The following SNX18 variants were observed in gnomAD, a reference collection of about 807,000 sequenced individuals.
SNX18 encodes the protein sorting nexin 18, also known as sorting nexin-18.
SNX18 carries 35 observed loss-of-function variants against 48.7 expected under a neutral mutation model. The observed-to-expected ratio is 0.72, with a 90% CI of 0.55 to 0.95. SNX18 has a LOEUF of 0.95. SNX18 is among the 40% of genes least tolerant of loss of function. The pLI is 0.00. For synonymous variants in SNX18, 492 were observed against 384.7 expected, an observed-to-expected ratio of 1.28 and a Z score of -3.26; for missense variants, 824 against 871.0, an observed-to-expected ratio of 0.95 and a Z score of 0.68.
At chr5:54,593,894 T>C in the SNX18 span, among the ~76,000 whole-genome samples, 3 of 152,198 alleles carry the variant, frequency 2.0e-5, no homozygotes, top group Non-Finnish European at 4.4e-5. Flanking sequence ...AAATGGATCA[T>C]AGACCTAATG....
chr5:54,585,622 C>T, the SNX18 span, among the ~76,000 whole-genome samples: 1 of 151,968 alleles, frequency 6.6e-6, no homozygotes, highest in African/African-American at 2.4e-5. Context: ...AGAGTGAGAG[C>T]AAATTGTACA....
chr5:54,619,476 C>T, the SNX18 span, among the ~76,000 whole-genome samples: 2 of 152,196 alleles, frequency 1.3e-5, no homozygotes, highest in Non-Finnish European at 2.9e-5. Context: ...CACATCACTG[C>T]ACTCCAGCCT....
At chr5:54,576,098 G>C in the SNX18 span, among the ~76,000 whole-genome samples, 1 of 152,114 alleles carries the variant, frequency 6.6e-6, no homozygotes, top group African/African-American at 2.4e-5. Context: ...TCCCACAGGG[G>C]TAGAGGAGAG....
At chr5:54,647,802 C>A in the SNX18 span, among the ~76,000 whole-genome samples, 1 of 152,000 alleles carries the variant, frequency 6.6e-6, no homozygotes, top group East Asian at 1.9e-4. Flanking sequence ...GAAACTTCAA[C>A]GGGCAACAGG....
the SNX18 span, among the ~76,000 whole-genome samples, chr5:54,625,389 T>C: frequency 6.6e-6 from 1 of 152,208 alleles, no homozygotes; most frequent in Non-Finnish European, 1.5e-5. Context: ...CAGATCTGCT[T>C]CTAAGCTCGC....
At chr5:54,582,874 G>T in the SNX18 span, among the ~76,000 whole-genome samples, 1 of 152,162 alleles carries the variant, frequency 6.6e-6, no homozygotes, top group African/African-American at 2.4e-5. Flanking sequence ...CATGATAGCT[G>T]GTTCTGGGGA....
the SNX18 span, among the ~76,000 whole-genome samples, chr5:54,643,199 ACTT>A: frequency 6.6e-6 from 1 of 151,936 alleles, no homozygotes; most frequent in East Asian, 1.9e-4. Context: ...AGGTAGGAGG[ACTT>A]CTTTTTTTAA....
At chr5:54,570,909 T>C in the SNX18 span, among the ~76,000 whole-genome samples, 1 of 152,144 alleles carries the variant, frequency 6.6e-6, no homozygotes, top group Non-Finnish European at 1.5e-5. Flanking sequence ...TACAAAAAGG[T>C]TAAAATCCAT....
chr5:54,620,318 C>T, the SNX18 span, among the ~76,000 whole-genome samples: 1 of 152,012 alleles, frequency 6.6e-6, no homozygotes, highest in Non-Finnish European at 1.5e-5. Flanking sequence ...AAGCAGCTAC[C>T]AGAACCTGGA....
chr5:54,635,173 A>G, the SNX18 span, among the ~76,000 whole-genome samples: 6 of 151,712 alleles, frequency 4.0e-5, no homozygotes, highest in African/African-American at 7.3e-5. Context: ...GTCTCAAAAT[A>G]TATTTGTGTT....
the SNX18 span, among the ~76,000 whole-genome samples, chr5:54,606,985 C>T: frequency 6.6e-6 from 1 of 152,188 alleles, no homozygotes; most frequent in African/African-American, 2.4e-5. Flanking sequence ...CACCCCATCC[C>T]TATACCCTGG....
the SNX18 span, among the ~76,000 whole-genome samples, chr5:54,553,381 G>T: frequency 1.3e-5 from 2 of 152,018 alleles, no homozygotes; most frequent in Admixed American, 6.6e-5. Flanking sequence ...AGCTTGGCAA[G>T]CACAGCAACA....
the SNX18 span, among the ~76,000 whole-genome samples, chr5:54,638,106 T>G: frequency 6.6e-6 from 1 of 152,234 alleles, no homozygotes. Flanking sequence ...CTTTTGGAAT[T>G]CATTCCCCAT....
chr5:54,592,813 G>GT, the SNX18 span, among the ~76,000 whole-genome samples: 4 of 152,068 alleles, frequency 2.6e-5, no homozygotes, highest in Non-Finnish European at 5.9e-5. Flanking sequence ...TTCTGTTTTT[G>GT]TTTTTGAGAT....
At chr5:54,641,577 T>G in the SNX18 span, among the ~76,000 whole-genome samples, 2 of 152,080 alleles carry the variant, frequency 1.3e-5, no homozygotes, top group East Asian at 3.9e-4. Flanking sequence ...GCACTCAGGG[T>G]TTTGAGCGTG....
At chr5:54,617,997 T>C in the SNX18 span, among the ~76,000 whole-genome samples, 1 of 152,146 alleles carries the variant, frequency 6.6e-6, no homozygotes, top group Non-Finnish European at 1.5e-5. Flanking sequence ...CAGGGTGACA[T>C]AGTTTGGTTG....
rs1304287926 is a variant in SNX18 at position 54,546,109 on chromosome 5, A to C, written c.*2677A>C. 6.6e-6 allele frequency: 1 copy of C among 152,208 alleles called. No individual in the cohort carries two copies. The highest frequency in any genetic ancestry group is 2.4e-5 in the African/African-American group (1 of 41,464). The allele number at this position is 152,208 out of a possible 1,614,324, so 9.4% of individuals were successfully genotyped here. A position where few individuals can be genotyped will look rare whatever the true frequency, so the allele number is the denominator to read the frequency against. ...ATGAGGGAACGCATTCAAAAGTGAA[A>C]TGTAAAGCCAGTGCACGAATATTAT... On this transcript the variant is annotated 3_prime_UTR_variant, in exon 2 of 2. Transcript: ENST00000381410.
the SNX18 span, among the ~76,000 whole-genome samples, chr5:54,567,168 A>G: frequency 3.3e-5 from 5 of 152,056 alleles, no homozygotes; most frequent in East Asian, 9.7e-4. Context: ...AAGGTTAAAT[A>G]TAGCCATTTA....
At chr5:54,595,757 T>G in the SNX18 span, among the ~76,000 whole-genome samples, 1 of 152,170 alleles carries the variant, frequency 6.6e-6, no homozygotes, top group Non-Finnish European at 1.5e-5. Flanking sequence ...TAAAACAGAT[T>G]TATTCTCTCA....
Sources: gnomAD v4.1 joint callset for allele counts (sites outside exome capture counted in the v4.1 genomes callset) on GRCh38, gnomAD v4.1.1 for gene constraint, MANE v1.5 for transcripts, NCBI Gene and HGNC (gene_info 2026-07-23, HGNC 2026-07-21) for gene names.